Variants in CSMD1 observed in about 807,000 individuals in gnomAD.
CSMD1 encodes CUB and Sushi multiple domains 1.
Under a neutral mutation model 417.5 loss-of-function variants are expected in CSMD1, and 213 were observed. The ratio of observed to expected loss-of-function variants is 0.51; its 90% CI spans 0.46 to 0.57. The LOEUF (loss-of-function observed/expected upper bound fraction) is 0.57. Ranked by LOEUF, CSMD1 falls within the 20% of genes least tolerant of loss-of-function variation. The pLI, the probability that CSMD1 is intolerant of heterozygous loss-of-function variation, is 0.00. For synonymous variants in CSMD1, 2,862 were observed against 1,736.8 expected, an observed-to-expected ratio of 1.65 and a Z score of -16.11; for missense variants, 6,923 against 4,529.7, an observed-to-expected ratio of 1.53 and a Z score of -15.17.
Position 4,604,410 on chromosome 8 carries a change from T to TGTGTGTGTGCGC in CSMD1, c.302+32931_302+32932insGCGCACACACAC, listed in dbSNP as rs59349269. On this transcript the variant is annotated intron_variant, in intron 2 of 69. Transcript: ENST00000635120. The stretch of plus-strand genomic sequence containing the variant: ...GTGTGTGTGTGTGTGTGTGTGTGTG[T>TGTGTGTGTGCGC]GCGCGTGCGTAAAGACTAGGATCTC... Among the ~76,000 whole-genome samples the TGTGTGTGTGCGC allele has an allele frequency of 4.8e-3, 700 of 146,216 alleles. 3 individuals carry two copies. Among genetic ancestry groups the TGTGTGTGTGCGC allele is most frequent in the Admixed American group, 9.2e-3 (132 of 14,418 alleles).
chr8:4,540,083 C>T (rs1007416723), intron 2 of CSMD1, among the ~76,000 whole-genome samples: 3 of 152,112 alleles, frequency 2.0e-5, no homozygotes, highest in African/African-American at 4.8e-5. Flanking sequence ...ATTTTCAATA[C>T]GATTATCGTG....
chr8:3,705,804 G>C (rs1349431101), intron 7 of CSMD1, among the ~76,000 whole-genome samples: 1 of 152,154 alleles, frequency 6.6e-6, no homozygotes, highest in Non-Finnish European at 1.5e-5. Flanking sequence ...CCCAGATCTT[G>C]GGGTGAAGCA....
chr8:3,934,626 G>C (rs535700467), intron 5 of CSMD1, among the ~76,000 whole-genome samples: 2 of 152,076 alleles, frequency 1.3e-5, no homozygotes, highest in African/African-American at 2.4e-5. Context: ...AGGCCAAGGA[G>C]GTAGATCACC....
At chr8:3,293,800 G>C (rs964344620) in intron 25 of CSMD1, among the ~76,000 whole-genome samples, 1 of 152,190 alleles carries the variant, frequency 6.6e-6, no homozygotes, top group East Asian at 1.9e-4. Context: ...AGAGTAGTTT[G>C]ATCATCTGAA....
chr8:4,000,434 G>C (rs1051503830), intron 4 of CSMD1, among the ~76,000 whole-genome samples: 1 of 152,182 alleles, frequency 6.6e-6, no homozygotes, highest in Non-Finnish European at 1.5e-5. Context: ...AAAAATAAGA[G>C]GAAGAACATA....
intron 3 of CSMD1, among the ~76,000 whole-genome samples, chr8:4,087,813 T>G (rs909583206): frequency 6.6e-6 from 1 of 152,158 alleles, no homozygotes; most frequent in Non-Finnish European, 1.5e-5. Context: ...ATTTTAGCAT[T>G]ATTTTCCCTT....
intron 4 of CSMD1, among the ~76,000 whole-genome samples, chr8:4,024,083 A>T (rs1796936545): frequency 6.6e-6 from 1 of 152,196 alleles, no homozygotes; most frequent in African/African-American, 2.4e-5. Flanking sequence ...GAAAGAGTAG[A>T]AGCAAGAATA....
At chr8:4,808,961 A>T (rs936502658) in intron 1 of CSMD1, among the ~76,000 whole-genome samples, 1 of 152,224 alleles carries the variant, frequency 6.6e-6, no homozygotes, top group South Asian at 2.1e-4. Context: ...AACATAAGAG[A>T]TCCAGAAAAT....
chr8:3,800,803 G>A (rs1475525838), intron 5 of CSMD1, among the ~76,000 whole-genome samples: 2 of 152,032 alleles, frequency 1.3e-5, no homozygotes, highest in Non-Finnish European at 2.9e-5. Flanking sequence ...TTTTGTACGT[G>A]CCCACTTCCC....
In CSMD1 at chr8:4,637,577, A is replaced by G; in HGVS notation, c.86-19T>C. ...TTCTGACCTGGAAGAGAAAACACACACAAAAAAGCATATTATTCTGGCCAT... is the reference window on the plus strand; with the variant it reads ...TTCTGACCTGGAAGAGAAAACACACGCAAAAAAGCATATTATTCTGGCCAT... On this transcript the variant is annotated intron_variant, in intron 1 of 69. Transcript: ENST00000635120. 1 of 1,554,854 alleles carries G rather than the reference A, an allele frequency of 6.4e-7. No homozygotes were observed. The highest frequency in any genetic ancestry group is 8.9e-7 in the Non-Finnish European group (1 of 1,129,024).
intron 7 of CSMD1, chr8:3,702,120 A>G (rs1344188041): frequency 6.6e-6 from 1 of 152,206 alleles, no homozygotes; most frequent in Non-Finnish European, 1.5e-5. Context: ...CCAGGGGCAT[A>G]AAGGCAATGC....
chr8:3,300,610 T>A (rs1207711794), intron 25 of CSMD1, among the ~76,000 whole-genome samples: 2 of 152,082 alleles, frequency 1.3e-5, no homozygotes, highest in South Asian at 2.1e-4. Flanking sequence ...TATATAAATA[T>A]AAGCAAAGAT....
intron 10 of CSMD1, among the ~76,000 whole-genome samples, chr8:3,561,287 C>T (rs568007717): frequency 1.3e-5 from 2 of 152,176 alleles, no homozygotes; most frequent in Non-Finnish European, 2.9e-5. Context: ...TACTAGGTAT[C>T]TACTCAAAGG....
intron 1 of CSMD1, among the ~76,000 whole-genome samples, chr8:4,948,470 G>C (rs1808516186): frequency 1.3e-5 from 2 of 151,716 alleles, no homozygotes; most frequent in Non-Finnish European, 2.9e-5. Flanking sequence ...CAGTAATCTT[G>C]ATGTCTGCAT....
intron 3 of CSMD1, among the ~76,000 whole-genome samples, chr8:4,402,800 CTTTTTTTTTTTTTTTTTTTTCT>C (rs1161085826): frequency 1.5e-4 from 13 of 89,364 alleles, no homozygotes; most frequent in Admixed American, 5.0e-4. Context: ...TCACTTTTTT[CTTTTTTTTTTTTTTTTTTTTCT>C]TTTTTTTTTT....
intron 5 of CSMD1, among the ~76,000 whole-genome samples, chr8:3,921,929 G>A (rs1809300303): frequency 6.6e-6 from 1 of 152,204 alleles, no homozygotes; most frequent in East Asian, 1.9e-4. Flanking sequence ...CAAGTACATT[G>A]CTTTCTTATT....
intron 12 of CSMD1, among the ~76,000 whole-genome samples, chr8:3,455,455 G>C (rs533325398): frequency 1.3e-5 from 2 of 152,068 alleles, no homozygotes; most frequent in African/African-American, 2.4e-5. Context: ...ATCTTCCTTT[G>C]GTCTTTGATG....
intron 1 of CSMD1, among the ~76,000 whole-genome samples, chr8:4,705,289 A>T (rs1046578608): frequency 6.6e-6 from 1 of 152,188 alleles, no homozygotes; most frequent in African/African-American, 2.4e-5. Context: ...TGAGTAATAC[A>T]ATGGGTATTA....
intron 2 of CSMD1, among the ~76,000 whole-genome samples, chr8:4,473,663 G>A (rs1478691650): frequency 1.3e-5 from 2 of 152,132 alleles, no homozygotes; most frequent in African/African-American, 4.8e-5. Context: ...AAAACAAAGA[G>A]CATATGACTC....
Sources: gnomAD v4.1 joint callset for allele counts (sites outside exome capture counted in the v4.1 genomes callset) on GRCh38, gnomAD v4.1.1 for gene constraint, MANE v1.5 for transcripts, NCBI Gene and HGNC (gene_info 2026-07-23, HGNC 2026-07-21) for gene names.